STX8: variants seen among roughly 807,000 people sequenced by gnomAD.
The protein encoded by STX8 is syntaxin 8, also known as syntaxin-8.
Under a neutral mutation model 37.5 loss-of-function variants are expected in STX8, and 23 were observed. The ratio of observed to expected loss-of-function variants is 0.61; its 90% CI spans 0.44 to 0.87. STX8 has a LOEUF of 0.87. Ranked by LOEUF, STX8 falls within the 40% of genes least tolerant of loss-of-function variation. The probability of loss-of-function intolerance (pLI) is 0.00; values close to 1 mark genes in which losing one functional copy is unlikely to be tolerated. For missense variants in STX8, 313 were observed against 284.7 expected, an observed-to-expected ratio of 1.10 and a Z score of -0.71; for synonymous variants, 115 against 99.1, an observed-to-expected ratio of 1.16 and a Z score of -0.95.
At chr17:9,542,307 G>A (rs1906308741) in intron 4 of STX8, among the ~76,000 whole-genome samples, 1 of 150,910 alleles carries the variant, frequency 6.6e-6, no homozygotes, top group Non-Finnish European at 1.5e-5. Context: ...GCAGCGAGCT[G>A]AAATTGTGCC....
intron 7 of STX8, among the ~76,000 whole-genome samples, chr17:9,323,299 C>A (rs1909639156): frequency 6.6e-6 from 1 of 151,516 alleles, no homozygotes. Flanking sequence ...AAAAAGAAAA[C>A]CTTAGGGGGA....
intron 6 of STX8, among the ~76,000 whole-genome samples, chr17:9,467,719 G>C (rs946472875): frequency 6.6e-6 from 1 of 152,146 alleles, no homozygotes; most frequent in Non-Finnish European, 1.5e-5. Flanking sequence ...TCCACTCTCC[G>C]GAGTGGCTCG....
intron 7 of STX8, among the ~76,000 whole-genome samples, chr17:9,252,475 G>C (rs1463008083): frequency 6.6e-6 from 1 of 151,680 alleles, no homozygotes; most frequent in Non-Finnish European, 1.5e-5. Flanking sequence ...CAGGTGTGGT[G>C]GTGGGTGCCT....
chr17:9,529,222 TG>T (rs1905706056), intron 4 of STX8, among the ~76,000 whole-genome samples: 1 of 151,466 alleles, frequency 6.6e-6, no homozygotes, highest in Non-Finnish European at 1.5e-5. Context: ...ATCTCCATCT[TG>T]TGGTCTGTTC....
At chr17:9,555,029 T>A (rs528419598) in intron 3 of STX8, 2 of 152,066 alleles carry the variant, frequency 1.3e-5, no homozygotes, top group South Asian at 4.1e-4. Flanking sequence ...TAGAAATAGA[T>A]CAATTATTTG....
chr17:9,361,066 G>GT (rs1911045433), intron 7 of STX8, among the ~76,000 whole-genome samples: 2 of 152,244 alleles, frequency 1.3e-5, no homozygotes, highest in East Asian at 3.9e-4. Context: ...TTATTCTAAG[G>GT]AATTTAACGC....
intron 5 of STX8, among the ~76,000 whole-genome samples, chr17:9,501,376 T>C (rs182157736): frequency 3.4e-4 from 51 of 152,090 alleles, no homozygotes; most frequent in African/African-American, 1.1e-3. Flanking sequence ...AATAGACCAA[T>C]GGAAAAGAAC....
At chr17:9,535,416 C>G (rs895096339) in intron 4 of STX8, among the ~76,000 whole-genome samples, 2 of 105,604 alleles carry the variant, frequency 1.9e-5, no homozygotes, top group African/African-American at 6.9e-5. Context: ...TCTGACCCAG[C>G]CATCCTACTT....
intron 7 of STX8, among the ~76,000 whole-genome samples, chr17:9,371,257 A>G (rs939395916): frequency 6.6e-6 from 1 of 152,080 alleles, no homozygotes; most frequent in Non-Finnish European, 1.5e-5. Context: ...ATGATTCACA[A>G]CCTATTTTTA....
intron 4 of STX8, among the ~76,000 whole-genome samples, chr17:9,531,025 C>T (rs996575871): frequency 6.6e-6 from 1 of 152,110 alleles, no homozygotes; most frequent in Non-Finnish European, 1.5e-5. Flanking sequence ...CATTTTTTTC[C>T]ATGTGGATAT....
intron 7 of STX8, among the ~76,000 whole-genome samples, chr17:9,352,422 A>G (rs1338767737): frequency 6.8e-6 from 1 of 147,822 alleles, no homozygotes; most frequent in Admixed American, 6.7e-5. Context: ...TTTTTTTAAT[A>G]TATCTTAGCT....
intron 7 of STX8, among the ~76,000 whole-genome samples, chr17:9,347,885 A>G (rs980445823): frequency 1.3e-5 from 2 of 152,188 alleles, no homozygotes; most frequent in African/African-American, 4.8e-5. Context: ...ATTAAATCAT[A>G]TAATATATAG....
chr17:9,261,854 A>C (rs1282675681), intron 7 of STX8, among the ~76,000 whole-genome samples: 2 of 152,148 alleles, frequency 1.3e-5, no homozygotes, highest in Admixed American at 6.5e-5. Flanking sequence ...ATCTGTCTGG[A>C]GTCTGGCAGA....
chr17:9,564,909 C>A (rs555636833), intron 2 of STX8, among the ~76,000 whole-genome samples: 1 of 152,230 alleles, frequency 6.6e-6, no homozygotes, highest in African/African-American at 2.4e-5. Context: ...CAATCCTAAG[C>A]AAAAAGAACA....
chr17:9,415,015 TC>T (rs1913135042), intron 6 of STX8, among the ~76,000 whole-genome samples: 2 of 151,968 alleles, frequency 1.3e-5, no homozygotes, highest in African/African-American at 4.8e-5. Context: ...GGTCTTGAAC[TC>T]CTGACCTCAG....
At chr17:9,447,772 A>T (rs1904901827) in intron 6 of STX8, among the ~76,000 whole-genome samples, 1 of 152,212 alleles carries the variant, frequency 6.6e-6, no homozygotes, top group Admixed American at 6.5e-5. Context: ...TGGTTTGGCA[A>T]ATTAATGTTC....
At chr17:9,568,641 C>T (rs190032073) in intron 1 of STX8, among the ~76,000 whole-genome samples, 171 bp from the exon 2 acceptor site, 2 of 152,320 alleles carry the variant, frequency 1.3e-5, no homozygotes, top group South Asian at 2.1e-4. Context: ...GCTGGGACTA[C>T]AGGCGCCCGC....
At chr17:9,429,989 A>C (rs1389603658) in intron 6 of STX8, among the ~76,000 whole-genome samples, 1 of 15,656 alleles carries the variant, frequency 6.4e-5, no homozygotes, top group African/African-American at 5.8e-4. Context: ...AGAATATATT[A>C]TATATAATAT....
At chr17:9,530,562 T>G (rs1379250354) in intron 4 of STX8, among the ~76,000 whole-genome samples, 1 of 152,220 alleles carries the variant, frequency 6.6e-6, no homozygotes, top group South Asian at 2.1e-4. Flanking sequence ...TTGCATTTAC[T>G]TGATGACTAG....
Sources: gnomAD v4.1 joint callset for allele counts (sites outside exome capture counted in the v4.1 genomes callset) on GRCh38, gnomAD v4.1.1 for gene constraint, MANE v1.5 for transcripts, NCBI Gene and HGNC (gene_info 2026-07-23, HGNC 2026-07-21) for gene names.